The following ZNF141 variants were observed in gnomAD, a reference collection of about 807,000 sequenced individuals.
The protein encoded by ZNF141 is zinc finger protein 141, also known as zinc finger protein 141 (clone pHZ-44).
A neutral mutation model predicts 11.3 loss-of-function variants in ZNF141; 7 were observed. The ratio of observed to expected loss-of-function variants is 0.62; its 90% CI spans 0.35 to 1.16. The LOEUF (loss-of-function observed/expected upper bound fraction) is 1.16, where lower values mean the gene tolerates loss of function less well. Among genes scored for constraint, ZNF141 ranks in the 50% most tolerant of loss-of-function variants. ZNF141 has a pLI of 0.02. For synonymous variants in ZNF141, 183 were observed against 190.7 expected (o/e 0.96, Z 0.33); for missense variants, 535 against 554.0 (o/e 0.97, Z 0.34).
chr4:357,006 G>T lies in ZNF141; in HGVS notation c.226+12576G>T, dbSNP rs12647659. Among the ~76,000 whole-genome samples the T allele has an allele frequency of 6.1e-3, 931 of 152,132 alleles. 31 individuals carry two copies. In the East Asian group the frequency reaches 0.12, roughly 19 times the overall value. On this transcript the variant is annotated intron_variant, in intron 3 of 3. Transcript: ENST00000240499. ...GTCTTACTTTGTTACTCAGGCTATAGTTCAGTGGTGCATTCACAGTTGAGT... is the reference window on the plus strand; with the variant it reads ...GTCTTACTTTGTTACTCAGGCTATATTTCAGTGGTGCATTCACAGTTGAGT...
chr4:366,537 C>T (rs528953899), intron 3 of ZNF141, among the ~76,000 whole-genome samples: 2 of 152,270 alleles, frequency 1.3e-5, no homozygotes, highest in African/African-American at 4.8e-5. Context: ...CTACTGACCT[C>T]GTGATCTGCC....
At position 383,024 on chromosome 4, in the gene ZNF141, C is replaced by G. The variant is rs188379324; in HGVS notation, c.*9162C>G. 3.5e-6 allele frequency: 2 copies of G among 568,896 alleles called. No individual in the cohort carries two copies. The highest frequency in any genetic ancestry group is 3.1e-6 in the Non-Finnish European group (1 of 323,708). The allele number at this position is 568,896 out of a possible 1,614,324, so 35.2% of individuals were successfully genotyped here. On this transcript the variant is annotated 3_prime_UTR_variant, in exon 4 of 4. Transcript: ENST00000240499. ...AAACCTTGAACTTCTCTTGACTTAT[C>G]TGCACTGGCACAGGGTGCCAGTTTG... is the stretch of plus-strand genomic sequence containing the variant.
At chr4:343,344 G>A (rs782489849) in intron 1 of ZNF141, among the ~76,000 whole-genome samples, 6 of 152,156 alleles carry the variant, frequency 3.9e-5, no homozygotes, top group Non-Finnish European at 7.3e-5. Context: ...ATATTACTGC[G>A]TTGAAAGTTA....
chr4:358,766 C>CG (rs1383999335), intron 3 of ZNF141, among the ~76,000 whole-genome samples: 2 of 150,304 alleles, frequency 1.3e-5, no homozygotes, highest in South Asian at 2.1e-4. Flanking sequence ...TTAGTAGAGA[C>CG]GGTTTCACCA....
rs782605502 is a variant in ZNF141 at position 373,119 on chromosome 4, A to C, written c.682A>C (p.Thr228Pro). 4 of 1,613,922 alleles carry C rather than the reference A, an allele frequency of 2.5e-6. No homozygotes were observed. In the South Asian group the frequency reaches 4.4e-5, roughly 18 times the overall value. Residue 228 changes from threonine (T) to proline (P), a missense_variant, in exon 4 of 4, where the codon ACT becomes CCT. Coordinates refer to ENST00000240499, the MANE Select transcript of ZNF141 (RefSeq NM_003441.4). ...AATTCATACTGGAGAGAAACCTTTT[A>C]CTTGTGAAGAATGTGGCAGCATCTT... ...KRIHTGEKPF[T>P]CEECGSIFTT...
At chr4:362,708 G>A (rs1279909809) in intron 3 of ZNF141, among the ~76,000 whole-genome samples, 1 of 152,120 alleles carries the variant, frequency 6.6e-6, no homozygotes, top group Non-Finnish European at 1.5e-5. Context: ...TATTATTTCT[G>A]AGGGCTCTGT....
intron 3 of ZNF141, among the ~76,000 whole-genome samples, chr4:363,483 G>A (rs1245386808): frequency 6.6e-6 from 1 of 152,052 alleles, no homozygotes; most frequent in Non-Finnish European, 1.5e-5. Flanking sequence ...CTGCCCGGGC[G>A]CAGTGGGTTA....
At chr4:362,806 T>G (rs1213779547) in intron 3 of ZNF141, among the ~76,000 whole-genome samples, 1 of 152,226 alleles carries the variant, frequency 6.6e-6, no homozygotes, top group Non-Finnish European at 1.5e-5. Context: ...TGAAGTCAGG[T>G]AGCGTGATGC....
intron 3 of ZNF141, among the ~76,000 whole-genome samples, chr4:346,897 C>CCA (rs1553849679): frequency 2.6e-5 from 3 of 117,614 alleles, no homozygotes; most frequent in African/African-American, 1.2e-4. Flanking sequence ...ACACACACCG[C>CCA]CCCCCCCATA....
intron 3 of ZNF141, among the ~76,000 whole-genome samples, chr4:346,472 C>A (rs1721320933): frequency 6.6e-6 from 1 of 152,150 alleles, no homozygotes; most frequent in Non-Finnish European, 1.5e-5. Flanking sequence ...AGTAAGAACA[C>A]TTAAGGCCTA....
In ZNF141 at chr4:347,887, C is replaced by T. The variant is rs187147286; in HGVS notation, c.226+3457C>T. On this transcript the variant is annotated intron_variant, in intron 3 of 3. Transcript: ENST00000240499. Reference sequence around the variant, plus strand: ...TTTTGGAGACAGAATTTCTGTCGCCCGAGCTGAAGTGCAGTGGCACGATCT... The same window carrying T: ...TTTTGGAGACAGAATTTCTGTCGCCTGAGCTGAAGTGCAGTGGCACGATCT... Among the ~76,000 whole-genome samples the T allele has an allele frequency of 5.9e-4, 89 of 151,508 alleles. No individual in the cohort carries two copies. The East Asian group carries it at 0.015, about 25-fold the overall frequency.
rs1223823073 is a variant in ZNF141, at chr4:383,128, T to C, written c.*9266T>C. ...CATCTCTATGACAACAAGCCCATTT[T>C]AGCTTTCTGGAGAATAGCATCTGAG... On this transcript the variant is annotated 3_prime_UTR_variant, in exon 4 of 4. Transcript: ENST00000240499. 4.3e-6 allele frequency: 3 copies of C among 701,712 alleles called. No individual in the cohort carries two copies. In the Admixed American group the frequency reaches 6.0e-5, roughly 14 times the overall value. 43.5% of individuals were successfully genotyped at this position (701,712 alleles called of 1,614,324 possible).
At chr4:370,334 TATC>T (rs1368072139) in intron 3 of ZNF141, among the ~76,000 whole-genome samples, 5 of 152,198 alleles carry the variant, frequency 3.3e-5, no homozygotes, top group Non-Finnish European at 5.9e-5. Context: ...TGTATTTTCA[TATC>T]ATCATATTTT....
In ZNF141 at chr4:373,522, C is replaced by T; in HGVS notation, c.1085C>T (p.Thr362Ile). Residue 362 changes from threonine (T) to isoleucine (I), a missense_variant, in exon 4 of 4, where the codon ACT becomes ATT. Thr to Ile is a moderately conservative substitution (Grantham distance 89). Transcript: ENST00000240499. The part of the protein sequence containing the change: ...SKLNEHKKVH[T>I]GERPYKCDEC... ...CTGAATGAACATAAGAAAGTTCATA[C>T]TGGAGAGCGGCCCTACAAATGTGAT... is the stretch of plus-strand genomic sequence containing the variant. The T allele has an allele frequency of 6.2e-7, 1 of 1,613,774 alleles. No individual in the cohort carries two copies. The highest frequency in any genetic ancestry group is 8.5e-7 in the Non-Finnish European group (1 of 1,179,892).
At chr4:367,503 A>G (rs1711803246) in intron 3 of ZNF141, among the ~76,000 whole-genome samples, 2 of 151,580 alleles carry the variant, frequency 1.3e-5, no homozygotes, top group Non-Finnish European at 2.9e-5. Flanking sequence ...TGTCAAAAAC[A>G]CATAAACTTT....
chr4:374,789 T>G lies in ZNF141; in HGVS notation c.*927T>G, dbSNP rs1712282608. ...GAAAGTCTTACAAATGTGAAGAATG[T>G]GGCAGTCTTTAAATCTTCCTCAGTC... On this transcript the variant is annotated 3_prime_UTR_variant, in exon 4 of 4. Coordinates refer to ENST00000240499, the MANE Select transcript of ZNF141 (RefSeq NM_003441.4). 6.5e-6 allele frequency: 1 copy of G among 154,468 alleles called. No individual in the cohort carries two copies. The highest frequency in any genetic ancestry group is 2.4e-5 in the African/African-American group (1 of 41,502). 9.6% of individuals were successfully genotyped at this position (154,468 alleles called of 1,614,324 possible). A position where few individuals can be genotyped will look rare whatever the true frequency, so the allele number is the denominator to read the frequency against.
Position 346,893 on chromosome 4 carries a change from A to ACACACACC in ZNF141, c.226+2464_226+2465insACACACCC, listed in dbSNP as rs373224939. ...TATATATGTATACACACACACACAC[A>ACACACACC]CCGCCCCCCCCATATATTGGCTACT... On this transcript the variant is annotated intron_variant, in intron 3 of 3. Transcript: ENST00000240499. 2.4e-4 allele frequency among the ~76,000 whole-genome samples: 32 copies of ACACACACC among 135,482 alleles called. 1 individual carries two copies. The highest frequency in any genetic ancestry group is 8.6e-4 in the African/African-American group (27 of 31,368). 88.9% of individuals were successfully genotyped at this position (135,482 alleles called of 152,430 possible).
Position 337,873 on chromosome 4 carries a change from A to G in ZNF141, c.-111A>G. 3 of 1,392,370 alleles carry G rather than the reference A, an allele frequency of 2.2e-6. No homozygotes were observed. The highest frequency in any genetic ancestry group is 2.0e-6 in the Non-Finnish European group (2 of 1,004,800). 86.3% of individuals were successfully genotyped at this position (1,392,370 alleles called of 1,614,324 possible). On this transcript the variant is annotated 5_prime_UTR_variant, in exon 1 of 4. Transcript: ENST00000240499. ...AGGGGCTTCATCTCTCTGCGTTCTC[A>G]GTTGTGGGAGGCCTTGGTGATTCGG...
At chr4:351,120 G>A (rs147831425) in intron 3 of ZNF141, among the ~76,000 whole-genome samples, 5 of 152,064 alleles carry the variant, frequency 3.3e-5, no homozygotes, top group Non-Finnish European at 7.4e-5. Flanking sequence ...CCCACTGTGT[G>A]AGATGACTCA....
Sources: allele counts gnomAD v4.1 joint callset (sites outside exome capture counted in the v4.1 genomes callset), GRCh38; gene constraint gnomAD v4.1.1; transcripts MANE v1.5; gene names NCBI Gene and HGNC (gene_info 2026-07-23, HGNC 2026-07-21).